The following JHY variants were observed in gnomAD, a reference collection of about 807,000 sequenced individuals.
JHY encodes jhy protein homolog.
Under a neutral mutation model 78.0 loss-of-function variants are expected in JHY, and 69 were observed. That is an observed-to-expected ratio of 0.88 (90% confidence interval 0.73 to 1.08). JHY has a LOEUF of 1.08. JHY is among the 50% of genes least tolerant of loss of function. The probability of loss-of-function intolerance (pLI) is 0.00; values close to 1 mark genes in which losing one functional copy is unlikely to be tolerated. For missense variants in JHY, 944 were observed against 927.8 expected (o/e 1.02, Z -0.23); for synonymous variants, 368 against 342.6 (o/e 1.07, Z -0.82).
intron 2 of JHY, among the ~76,000 whole-genome samples, chr11:122,886,984 TAAGGG>T (rs1862508744): frequency 6.6e-6 from 1 of 152,086 alleles, no homozygotes; most frequent in Non-Finnish European, 1.5e-5. Context: ...CAAAAAAAAG[TAAGGG>T]AATATGAAAT....
Position 122,886,028 on chromosome 11 carries a change from T to C in JHY, c.179T>C (p.Phe60Ser), listed in dbSNP as rs1283376996. The change falls in exon 2 of 9, where the codon TTT becomes TCT. Residue 60 changes from phenylalanine to serine, a missense_variant. Physicochemically the swap from Phe to Ser is radical, Grantham distance 155 (BLOSUM62 -2). Transcript: ENST00000227349. The stretch of plus-strand genomic sequence containing the variant: ...CAAGAGATTATGTGCCATTCTGAGT[T>C]TGATGATCGAATCCGGGGCAACGGT... Reference protein sequence around the residue: ...LTQEIMCHSEFDDRIRGNGME... With the variant: ...LTQEIMCHSESDDRIRGNGME... The C allele has an allele frequency of 6.2e-7, 1 of 1,614,008 alleles. No homozygotes were observed. The highest frequency in any genetic ancestry group is 1.3e-5 in the African/African-American group (1 of 74,892).
At chr11:122,905,088 G>C (rs541287758) in intron 3 of JHY, 8 of 1,010,174 alleles carry the variant, frequency 7.9e-6, no homozygotes, top group Non-Finnish European at 1.2e-5. Flanking sequence ...TTATTGTCCT[G>C]TGTAAATGAT....
At chr11:122,919,294 A>G (rs1179086466) in intron 3 of JHY, among the ~76,000 whole-genome samples, 2 of 145,542 alleles carry the variant, frequency 1.4e-5, no homozygotes, top group Non-Finnish European at 3.0e-5. Context: ...CGGAGGTTGC[A>G]GTGAGCCAAG....
At chr11:122,897,027 T>G (rs1185772726) in intron 2 of JHY, among the ~76,000 whole-genome samples, 1 of 150,142 alleles carries the variant, frequency 6.7e-6, no homozygotes, top group Admixed American at 6.6e-5. Context: ...CGGCTAATTT[T>G]TGTATTTTTA....
At chr11:122,915,694 G>A (rs2135326378) in intron 3 of JHY, among the ~76,000 whole-genome samples, 1 of 152,132 alleles carries the variant, frequency 6.6e-6, no homozygotes, top group East Asian at 1.9e-4. Context: ...CATATTTTTA[G>A]TAGAGGCAGG....
chr11:122,922,335 G>A (rs1192193367), intron 3 of JHY, among the ~76,000 whole-genome samples: 1 of 152,162 alleles, frequency 6.6e-6, no homozygotes, highest in Non-Finnish European at 1.5e-5. Flanking sequence ...AATAGAGATA[G>A]CTCAGGTAGA....
At chr11:122,912,029 G>T (rs1863139127) in intron 3 of JHY, among the ~76,000 whole-genome samples, 1 of 150,102 alleles carries the variant, frequency 6.7e-6, no homozygotes, top group Admixed American at 6.7e-5. Context: ...GCTCATGCCT[G>T]TAATCCCAGC....
chr11:122,928,190 T>G (rs1287164192), intron 4 of JHY, among the ~76,000 whole-genome samples: 1 of 152,168 alleles, frequency 6.6e-6, no homozygotes, highest in African/African-American at 2.4e-5. Flanking sequence ...CAGTGGCTCA[T>G]GCCTATAATC....
Position 122,924,619 on chromosome 11 carries a change from T to G in JHY, c.865-278T>G, listed in dbSNP as rs928435486. On this transcript the variant is annotated intron_variant, in intron 3 of 8. Coordinates refer to ENST00000227349, the MANE Select transcript of JHY (RefSeq NM_024806.4). Reference sequence around the variant, plus strand: ...TCCAGTTCAGATAACTGTTCTAAAATTGGGTCCCCTGAGTATGTATTGAGC... The same window carrying G: ...TCCAGTTCAGATAACTGTTCTAAAAGTGGGTCCCCTGAGTATGTATTGAGC... 1.5e-4 allele frequency among the ~76,000 whole-genome samples: 23 copies of G among 152,192 alleles called. 1 individual carries two copies. The highest frequency in any genetic ancestry group is 1.4e-3 in the Admixed American group (22 of 15,282).
At chr11:122,921,522 C>G (rs570704908) in intron 3 of JHY, among the ~76,000 whole-genome samples, 1 of 152,336 alleles carries the variant, frequency 6.6e-6, no homozygotes, top group East Asian at 1.9e-4. Flanking sequence ...CTTCATTTCT[C>G]CTCCAAGATA....
chr11:122,920,577 C>T (rs1053824248), intron 3 of JHY, among the ~76,000 whole-genome samples: 2 of 152,198 alleles, frequency 1.3e-5, no homozygotes, highest in African/African-American at 2.4e-5. Context: ...GTAGTGCTGT[C>T]TGATTCTCTA....
intron 3 of JHY, among the ~76,000 whole-genome samples, chr11:122,910,382 A>T (rs115858425): frequency 0.02 from 3,063 of 152,042 alleles, 125 homozygotes; most frequent in African/African-American, 0.07. Context: ...AGCCCATGAG[A>T]ATTGTCTGAG....
At position 122,904,218 on chromosome 11, in the gene JHY, T is replaced by C. The variant is rs1168798287; in HGVS notation, c.638T>C (p.Leu213Pro). Residue 213 changes from leucine (L) to proline (P), a missense_variant, in exon 3 of 9, where the codon CTG (leucine) becomes CCG (proline). Leu to Pro is a moderately conservative substitution (Grantham distance 98). Coordinates refer to ENST00000227349, the MANE Select transcript of JHY (RefSeq NM_024806.4). ...GARRSKPFSELSDSDLEEKSS... is the reference protein window; with the variant it reads ...GARRSKPFSEPSDSDLEEKSS... Reference sequence around the variant, plus strand: ...CGTCGCAGCAAGCCGTTTTCAGAGCTGAGCGACAGTGACCTGGAGGAGAAG... The same window carrying C: ...CGTCGCAGCAAGCCGTTTTCAGAGCCGAGCGACAGTGACCTGGAGGAGAAG... The C allele has an allele frequency of 1.2e-6, 2 of 1,614,098 alleles. No homozygotes were observed. Among genetic ancestry groups the C allele is most frequent in the African/African-American group, 2.7e-5 (2 of 74,938 alleles).
Position 122,957,286 on chromosome 11 carries a change from C to T in JHY, c.2011-77C>T, listed in dbSNP as rs1752866158. The T allele has an allele frequency of 2.1e-6, 3 of 1,432,900 alleles. No homozygotes were observed. In the South Asian group the frequency reaches 4.9e-5, roughly 24 times the overall value. 88.8% of individuals were successfully genotyped at this position (1,432,900 alleles called of 1,614,324 possible). ...ATAAGATACGCCCAGTATACTGAAA[C>T]CAGGGCATCGCTTTAAATAGAGAGC... On this transcript the variant is annotated intron_variant, in intron 7 of 8. Coordinates refer to ENST00000227349, the MANE Select transcript of JHY (RefSeq NM_024806.4).
At chr11:122,901,731 G>A (rs930927153) in intron 2 of JHY, among the ~76,000 whole-genome samples, 1 of 152,004 alleles carries the variant, frequency 6.6e-6, no homozygotes, top group Non-Finnish European at 1.5e-5. Context: ...AAATTAGCCA[G>A]GCGCGGTGGC....
intron 6 of JHY, among the ~76,000 whole-genome samples, chr11:122,950,631 T>C (rs1334259780): frequency 6.6e-6 from 1 of 152,234 alleles, no homozygotes; most frequent in African/African-American, 2.4e-5. Context: ...TTTTGTAGAC[T>C]TAGTGTGATG....
At chr11:122,890,466 T>C (rs1862588650) in intron 2 of JHY, among the ~76,000 whole-genome samples, 1 of 151,938 alleles carries the variant, frequency 6.6e-6, no homozygotes, top group Admixed American at 6.6e-5. Context: ...TAAATGGGAG[T>C]AGTTTTAGTT....
At chr11:122,891,651 A>G (rs1862616167) in intron 2 of JHY, among the ~76,000 whole-genome samples, 2 of 152,052 alleles carry the variant, frequency 1.3e-5, no homozygotes, top group African/African-American at 2.4e-5. Flanking sequence ...ATATTTATAT[A>G]ATTAGCTACC....
intron 3 of JHY, among the ~76,000 whole-genome samples, chr11:122,921,821 T>C (rs1023361031): frequency 6.6e-6 from 1 of 152,152 alleles, no homozygotes; most frequent in South Asian, 2.1e-4. Flanking sequence ...CTGTCTCCAC[T>C]AAAAATACAA....
Sources: gnomAD v4.1 joint callset for allele counts (sites outside exome capture counted in the v4.1 genomes callset) on GRCh38, gnomAD v4.1.1 for gene constraint, MANE v1.5 for transcripts, NCBI Gene and HGNC (gene_info 2026-07-23, HGNC 2026-07-21) for gene names.